GCLC: variants seen among roughly 807,000 people sequenced by gnomAD.
GCLC encodes the protein glutamate-cysteine ligase catalytic subunit.
Under a neutral mutation model 81.5 loss-of-function variants are expected in GCLC, and 30 were observed. The observed-to-expected ratio is 0.37, with a 90% CI of 0.28 to 0.50. The LOEUF is 0.50. Among genes scored for constraint, GCLC ranks in the 20% least tolerant of loss-of-function variants. The pLI, the probability that GCLC is intolerant of heterozygous loss-of-function variation, is 0.96. For synonymous variants in GCLC, 262 were observed against 273.3 expected (o/e 0.96, Z 0.41); for missense variants, 556 against 777.4 (o/e 0.72, Z 3.39).
At chr6:53,540,174 T>G (rs967585120) in intron 1 of GCLC, among the ~76,000 whole-genome samples, 5 of 152,184 alleles carry the variant, frequency 3.3e-5, no homozygotes, top group African/African-American at 1.2e-4. Context: ...TTTAATATTT[T>G]AAAAAGTCCT....
chr6:53,514,377 C>A (rs17882781), intron 5 of GCLC, 40 bp from the exon 6 acceptor site: 4 of 1,591,264 alleles, frequency 2.5e-6, no homozygotes, highest in Non-Finnish European at 3.5e-6. Flanking sequence ...GGTTTAGAAT[C>A]CAGGATTAAA....
At chr6:53,518,526 C>A (rs1242561851) in intron 3 of GCLC, among the ~76,000 whole-genome samples, 1 of 152,206 alleles carries the variant, frequency 6.6e-6, no homozygotes, top group African/African-American at 2.4e-5. Context: ...GCTGGGATTA[C>A]AGGTGTAAGA....
chr6:53,541,585 C>T (rs1763356017), intron 1 of GCLC, among the ~76,000 whole-genome samples: 1 of 150,410 alleles, frequency 6.6e-6, no homozygotes, highest in African/African-American at 2.4e-5. Context: ...CTCCCCACTC[C>T]AAAAGACATT....
At chr6:53,524,739 C>T (rs1763052745) in intron 1 of GCLC, among the ~76,000 whole-genome samples, 1 of 152,226 alleles carries the variant, frequency 6.6e-6, no homozygotes, top group South Asian at 2.1e-4. Context: ...TCCTTGCTTA[C>T]TGAGTGCATC....
intron 1 of GCLC, among the ~76,000 whole-genome samples, chr6:53,526,820 ATT>A (rs1763091592): frequency 6.7e-6 from 1 of 149,220 alleles, no homozygotes; most frequent in South Asian, 2.1e-4. Flanking sequence ...AAAAAAAACA[ATT>A]TGAGGAATGG....
Position 53,511,080 on chromosome 6 carries a change from T to C in GCLC, c.754-1830A>G, listed in dbSNP as rs370484578. On this transcript the variant is annotated intron_variant, in intron 6 of 15. Transcript: ENST00000650454. ...TACCCAAAGTCTTTATGCACTTATT[T>C]GCTGAAGTAGAAGCTCCAGAAGGGC... Among the ~76,000 whole-genome samples, 6 of 152,042 alleles carry C rather than the reference T, an allele frequency of 3.9e-5. No homozygotes were observed. The East Asian group carries it at 9.6e-4, about 24-fold the overall frequency.
chr6:53,537,738 T>TAA (rs1040736680), intron 1 of GCLC, among the ~76,000 whole-genome samples: 3 of 151,162 alleles, frequency 2.0e-5, no homozygotes, highest in Non-Finnish European at 3.0e-5. Flanking sequence ...CAGTTAACTG[T>TAA]AAAAAAAAAC....
intron 4 of GCLC, among the ~76,000 whole-genome samples, chr6:53,515,421 A>C (rs1764849435): frequency 6.6e-6 from 1 of 152,254 alleles, no homozygotes; most frequent in Non-Finnish European, 1.5e-5. Context: ...CAACATATGA[A>C]GTTAGAAACT....
At chr6:53,519,403 C>G (rs1762944815) in intron 3 of GCLC, among the ~76,000 whole-genome samples, 1 of 151,896 alleles carries the variant, frequency 6.6e-6, no homozygotes, top group Non-Finnish European at 1.5e-5. Flanking sequence ...CCTCCTGGAA[C>G]CTTGGACATC....
Position 53,500,327 on chromosome 6 carries a change from A to C in GCLC, c.1501T>G (p.Cys501Gly). Residue 501 changes from cysteine to glycine, a missense_variant, in exon 14 of 16, where the codon TGT becomes GGT. Around this residue, in one of 3 missense-constraint regions of GCLC, gnomAD observed 313 missense variants for 437.3 expected, o/e 0.72. Coordinates refer to ENST00000650454, the MANE Select transcript of GCLC (RefSeq NM_001498.4). Reference sequence around the variant, plus strand: ...TCCGTGCTGTTCTGGGCCTTGCCACAACCATCCACCACTGCATTGCCACCT... The same window carrying C: ...TCCGTGCTGTTCTGGGCCTTGCCACCACCATCCACCACTGCATTGCCACCT... ...CKGGNAVVDG[C>G]GKAQNSTELA... The C allele has an allele frequency of 6.2e-7, 1 of 1,614,220 alleles. No homozygotes were observed. Among genetic ancestry groups the C allele is most frequent in the Non-Finnish European group, 8.5e-7 (1 of 1,180,028 alleles).
intron 12 of GCLC, among the ~76,000 whole-genome samples, chr6:53,503,937 T>C (rs1271639938): frequency 6.6e-6 from 1 of 152,226 alleles, no homozygotes; most frequent in Non-Finnish European, 1.5e-5. Flanking sequence ...CTGGTGAGAA[T>C]ACTCACCATT....
intron 1 of GCLC, among the ~76,000 whole-genome samples, chr6:53,540,244 G>A (rs1763329010): frequency 6.6e-6 from 1 of 150,832 alleles, no homozygotes; most frequent in Non-Finnish European, 1.5e-5. Context: ...TAGCCAAGAT[G>A]TAGAGACAAC....
intron 1 of GCLC, among the ~76,000 whole-genome samples, chr6:53,535,331 A>C (rs1450101094): frequency 1.3e-5 from 2 of 152,212 alleles, no homozygotes; most frequent in African/African-American, 4.8e-5. Flanking sequence ...CCTGGCCAAC[A>C]TGGCGAAACC....
chr6:53,544,468 G>A (rs1237927496), intron 1 of GCLC, 28 bp downstream of exon 1: 6 of 1,602,556 alleles, frequency 3.7e-6, no homozygotes, highest in Non-Finnish European at 5.1e-6. Context: ...ACGGGTGCCC[G>A]GCGGGGACGG....
chr6:53,507,952 G>C (rs954256246), intron 8 of GCLC, among the ~76,000 whole-genome samples: 1 of 152,092 alleles, frequency 6.6e-6, no homozygotes, highest in African/African-American at 2.4e-5. Context: ...ATCCTTTAAA[G>C]TTTATTTCTA....
intron 4 of GCLC, among the ~76,000 whole-genome samples, chr6:53,515,866 C>T (rs553796057): frequency 2.0e-5 from 3 of 152,134 alleles, no homozygotes; most frequent in African/African-American, 4.8e-5. Context: ...AGTGGCTCAG[C>T]GAATAACTTT....
At chr6:53,537,146 C>T (rs1763269892) in intron 1 of GCLC, among the ~76,000 whole-genome samples, 1 of 152,188 alleles carries the variant, frequency 6.6e-6, no homozygotes, top group African/African-American at 2.4e-5. Flanking sequence ...TTAATGACCA[C>T]ACACTCTTTA....
intron 1 of GCLC, among the ~76,000 whole-genome samples, chr6:53,529,843 G>A (rs1254311415): frequency 1.3e-5 from 2 of 152,238 alleles, no homozygotes; most frequent in Non-Finnish European, 2.9e-5. Context: ...TTTCTGCAGC[G>A]GTTCCCTCTA....
At chr6:53,527,041 C>G (rs1433909069) in intron 1 of GCLC, among the ~76,000 whole-genome samples, 3 of 152,150 alleles carry the variant, frequency 2.0e-5, no homozygotes, top group African/African-American at 7.2e-5. Context: ...TGCTTGACCT[C>G]TGAAGAGAAG....
Sources: allele counts gnomAD v4.1 joint callset (sites outside exome capture counted in the v4.1 genomes callset), GRCh38; gene constraint gnomAD v4.1.1; regional missense constraint gnomAD v4.1.1; transcripts MANE v1.5; gene names NCBI Gene and HGNC (gene_info 2026-07-23, HGNC 2026-07-21).